FBXO11: variants seen among roughly 807,000 people sequenced by gnomAD.
FBXO11 encodes the protein F-box protein 11.
FBXO11 carries 13 observed loss-of-function variants against 117.0 expected under a neutral mutation model. The observed-to-expected ratio is 0.11, with a 90% confidence interval of 0.07 to 0.18. FBXO11 has a LOEUF of 0.18. FBXO11 is among the 10% of genes least tolerant of loss of function. FBXO11 has a pLI of 1.00. For synonymous variants in FBXO11, 490 were observed against 380.5 expected, an observed-to-expected ratio of 1.29 and a Z score of -3.35; for missense variants, 767 against 1,164.4, an observed-to-expected ratio of 0.66 and a Z score of 4.97.
chr2:47,827,925 G>A (rs1471187585), intron 11 of FBXO11, among the ~76,000 whole-genome samples: 1 of 151,420 alleles, frequency 6.6e-6, no homozygotes. Context: ...TCGAACTCCT[G>A]GCCTCAAGTG....
chr2:47,818,739 A>C, intron 16 of FBXO11, 40 bp downstream of exon 16: 1 of 1,426,868 alleles, frequency 7.0e-7, no homozygotes, highest in Non-Finnish European at 9.6e-7. Context: ...ACATACTCCT[A>C]ACTCCCTCCC....
intron 11 of FBXO11, among the ~76,000 whole-genome samples, chr2:47,827,454 G>A (rs901275019): frequency 2.6e-5 from 4 of 151,952 alleles, no homozygotes; most frequent in East Asian, 3.9e-4. Context: ...CTTTTGGTGT[G>A]AGCCACCACG....
chr2:47,878,738 G>A (rs1054262146), intron 1 of FBXO11, among the ~76,000 whole-genome samples: 1 of 151,526 alleles, frequency 6.6e-6, no homozygotes, highest in Admixed American at 6.6e-5. Context: ...AGCATTTTGG[G>A]AGACAGAGAC....
chr2:47,807,907 T>G lies in FBXO11; in HGVS notation c.*211A>C, dbSNP rs929502628. 4 of 502,864 alleles carry G rather than the reference T, an allele frequency of 8.0e-6. No individual in the cohort carries two copies. Among genetic ancestry groups the G allele is most frequent in the Non-Finnish European group, 1.4e-5 (4 of 281,022 alleles). 31.2% of individuals were successfully genotyped at this position (502,864 alleles called of 1,614,324 possible). A position where few individuals can be genotyped will look rare whatever the true frequency, so the allele number is the denominator to read the frequency against. On this transcript the variant is annotated 3_prime_UTR_variant, in exon 23 of 23. Coordinates refer to ENST00000403359, the MANE Select transcript of FBXO11 (RefSeq NM_001190274.2). ...TCTGTCCCTTCAAGTCTTTACACAG[T>G]AATGCTAAAACACCCAGCTTTGAGA...
chr2:47,844,536 G>A (rs1258549535), intron 1 of FBXO11, among the ~76,000 whole-genome samples: 2 of 152,212 alleles, frequency 1.3e-5, no homozygotes, highest in Non-Finnish European at 2.9e-5. Flanking sequence ...ACTAGCTCCC[G>A]CTTACTGTTC....
chr2:47,883,585 T>C (rs1156885046), intron 1 of FBXO11: 4 of 323,044 alleles, frequency 1.2e-5, no homozygotes, highest in East Asian at 7.9e-5. Flanking sequence ...CAAACACTGA[T>C]GTTTGATGGC....
In FBXO11 at chr2:47,865,318, TTGGCCAATGGGCTACA is replaced by T. The variant is rs900424807; in HGVS notation, c.233-25565_233-25550del. 5.3e-5 allele frequency among the ~76,000 whole-genome samples: 8 copies of T among 152,338 alleles called. No homozygotes were observed. The East Asian group carries it at 5.8e-4, about 11-fold the overall frequency. On this transcript the variant is annotated intron_variant, in intron 1 of 22. Transcript: ENST00000403359. ...ACTGAGTTGGCCATCTGACTAGGTT[TTGGCCAATGGGCTACA>T]TGGCCAATGGGCTACAGGTGTCCTG...
chr2:47,855,363 T>G (rs1674205470), intron 1 of FBXO11, among the ~76,000 whole-genome samples: 1 of 152,208 alleles, frequency 6.6e-6, no homozygotes. Flanking sequence ...ATTTGTTTTT[T>G]GCAGAGATGG....
intron 11 of FBXO11, among the ~76,000 whole-genome samples, chr2:47,827,974 G>C (rs966097449): frequency 6.6e-6 from 1 of 152,092 alleles, no homozygotes; most frequent in Non-Finnish European, 1.5e-5. Context: ...TGCGATTACA[G>C]AGCTACCAAG....
intron 1 of FBXO11, among the ~76,000 whole-genome samples, chr2:47,859,367 C>T (rs533714930): frequency 6.6e-6 from 1 of 152,184 alleles, no homozygotes; most frequent in South Asian, 2.1e-4. Context: ...TCGCTTTTAT[C>T]ATGATATTGG....
Position 47,832,652 on chromosome 2 carries a change from G to C in FBXO11, c.1180C>G (p.Gln394Glu). The C allele has an allele frequency of 6.2e-7, 1 of 1,613,786 alleles. No homozygotes were observed. Among genetic ancestry groups the C allele is most frequent in the Non-Finnish European group, 8.5e-7 (1 of 1,179,890 alleles). Residue 394 changes from glutamine (Q) to glutamate (E), a missense_variant, in exon 10 of 23, where the codon CAA becomes GAA. Gln to Glu is a conservative substitution (Grantham distance 29). This residue lies in a region of FBXO11 where 123 missense variants were observed against 145.0 expected (regional missense o/e 0.85). Transcript: ENST00000403359. ...TVGSAVCVSG[Q>E]GACPTIKHCN... ...TGCTTGATGGTGGGACATGCTCCTTGACCACTAACACATACTGCAGAACCA... is the reference window on the plus strand; with the variant it reads ...TGCTTGATGGTGGGACATGCTCCTTCACCACTAACACATACTGCAGAACCA...
intron 1 of FBXO11, among the ~76,000 whole-genome samples, chr2:47,868,635 C>T (rs1372527731): frequency 6.6e-6 from 1 of 152,078 alleles, no homozygotes; most frequent in Non-Finnish European, 1.5e-5. Flanking sequence ...TTGTCATTGC[C>T]CAGTAGGCTC....
intron 1 of FBXO11, among the ~76,000 whole-genome samples, chr2:47,893,292 C>T (rs1431186897): frequency 2.0e-5 from 3 of 152,182 alleles, no homozygotes; most frequent in African/African-American, 4.8e-5. Flanking sequence ...AAACAGTCTA[C>T]GGCTAAGGCT....
At chr2:47,865,520 T>C (rs1337506423) in intron 1 of FBXO11, among the ~76,000 whole-genome samples, 3 of 152,342 alleles carry the variant, frequency 2.0e-5, no homozygotes, top group South Asian at 2.1e-4. Context: ...CCTAGGTCCC[T>C]AATGTCATAG....
chr2:47,857,924 T>C (rs1349957106), intron 1 of FBXO11, among the ~76,000 whole-genome samples: 1 of 151,304 alleles, frequency 6.6e-6, no homozygotes, highest in Non-Finnish European at 1.5e-5. Context: ...TATTTTGTCC[T>C]TTATATGGGC....
chr2:47,808,937 T>C (rs1031901272), intron 21 of FBXO11: 6 of 402,770 alleles, frequency 1.5e-5, no homozygotes, highest in Non-Finnish European at 2.6e-5. Context: ...GCTCCAGTGA[T>C]CCTCCCACTT....
chr2:47,835,365 G>A (rs908408536), intron 5 of FBXO11, among the ~76,000 whole-genome samples: 5 of 152,184 alleles, frequency 3.3e-5, no homozygotes, highest in African/African-American at 1.2e-4. Context: ...AGTTCAAACA[G>A]ACCCATTGAA....
chr2:47,903,351 A>G (rs1014989544), intron 1 of FBXO11, among the ~76,000 whole-genome samples: 1 of 152,220 alleles, frequency 6.6e-6, no homozygotes, highest in African/African-American at 2.4e-5. Context: ...GCTGCAGAGA[A>G]GCAACAATTC....
chr2:47,816,203 A>AG (rs1387220631), intron 16 of FBXO11, among the ~76,000 whole-genome samples: 2 of 152,158 alleles, frequency 1.3e-5, no homozygotes, highest in African/African-American at 4.8e-5. Flanking sequence ...TTTTTGAGAC[A>AG]GGGTCTCACT....
Sources: allele counts gnomAD v4.1 joint callset (sites outside exome capture counted in the v4.1 genomes callset), GRCh38; gene constraint gnomAD v4.1.1; regional missense constraint gnomAD v4.1.1; transcripts MANE v1.5; gene names NCBI Gene and HGNC (gene_info 2026-07-23, HGNC 2026-07-21).